STXBP5L: variants seen among roughly 807,000 people sequenced by gnomAD.
The protein encoded by STXBP5L is syntaxin binding protein 5L.
In STXBP5L, 65 loss-of-function variants were observed where a neutral mutation model predicts 144.5. The ratio of observed to expected loss-of-function variants is 0.45; its 90% CI spans 0.37 to 0.55. The LOEUF (loss-of-function observed/expected upper bound fraction) is 0.55. Ranked by LOEUF, STXBP5L falls within the 20% of genes least tolerant of loss-of-function variation. The pLI, the probability that STXBP5L is intolerant of heterozygous loss-of-function variation, is 0.00. For synonymous variants in STXBP5L, 505 were observed against 469.6 expected (o/e 1.08, Z -0.97); for missense variants, 1,298 against 1,405.5 (o/e 0.92, Z 1.22).
At chr3:120,989,907 A>G (rs1228808121) in intron 3 of STXBP5L, among the ~76,000 whole-genome samples, 1 of 152,182 alleles carries the variant, frequency 6.6e-6, no homozygotes, top group Admixed American at 6.6e-5. Flanking sequence ...CAAGACAGGG[A>G]TGCCCTCTCT....
Position 121,418,386 on chromosome 3 carries a change from T to C in STXBP5L, c.3276T>C (p.Ile1092=), listed in dbSNP as rs377107191. The change falls in exon 26 of 27, where the codon ATT becomes ATC. Residue 1092 remains isoleucine (I), a synonymous_variant. Coordinates refer to ENST00000471454, the MANE Select transcript of STXBP5L (RefSeq NM_001308330.2). ...GKASRSLAQH[I]PGPGSIEGMK... ...CATCCCGCAGCCTTGCGCAACACAT[T>C]CCTGGACCAGGTAGTATAGAAGGGA... is the stretch of plus-strand genomic sequence containing the variant. 6.9e-5 allele frequency: 112 copies of C among 1,613,928 alleles called. No individual in the cohort carries two copies. Among genetic ancestry groups the C allele is most frequent in the Non-Finnish European group, 8.6e-5 (102 of 1,179,974 alleles).
At chr3:121,217,481 C>T (rs1327528801) in intron 10 of STXBP5L, among the ~76,000 whole-genome samples, 1 of 152,086 alleles carries the variant, frequency 6.6e-6, no homozygotes, top group African/African-American at 2.4e-5. Context: ...GATGCCCCAC[C>T]CTGCTTCTGC....
At chr3:120,999,134 C>T (rs909115146) in intron 3 of STXBP5L, among the ~76,000 whole-genome samples, 3 of 152,110 alleles carry the variant, frequency 2.0e-5, no homozygotes, top group Non-Finnish European at 4.4e-5. Flanking sequence ...CTCACTGCAA[C>T]CTCTTCCTCC....
At chr3:121,413,421 T>A (rs9849118) in intron 24 of STXBP5L, 98 bp downstream of exon 24, 869,334 of 1,120,446 alleles carry the variant, frequency 0.78, 337,609 homozygotes, top group East Asian at 0.89. Flanking sequence ...CAGACAATAA[T>A]TATGCCCTTC....
intron 2 of STXBP5L, among the ~76,000 whole-genome samples, chr3:120,950,559 A>C (rs1383649118): frequency 6.6e-6 from 1 of 152,006 alleles, no homozygotes; most frequent in Non-Finnish European, 1.5e-5. Flanking sequence ...TTATACTTTA[A>C]GTTTTAGGGT....
intron 22 of STXBP5L, among the ~76,000 whole-genome samples, chr3:121,394,748 G>A (rs951444944): frequency 6.6e-6 from 1 of 151,854 alleles, no homozygotes; most frequent in Non-Finnish European, 1.5e-5. Context: ...GGGACTACAG[G>A]CGCCCGCCAC....
intron 20 of STXBP5L, among the ~76,000 whole-genome samples, chr3:121,319,811 G>A (rs184828339): frequency 6.7e-4 from 102 of 151,982 alleles, no homozygotes; most frequent in East Asian, 6.6e-3. Context: ...ATTTACATAC[G>A]TAACTTCAAA....
chr3:121,194,909 CTTTTTTTTTTTTTT>C (rs10717806), intron 9 of STXBP5L, among the ~76,000 whole-genome samples: 3 of 68,494 alleles, frequency 4.4e-5, no homozygotes, highest in African/African-American at 1.9e-4. Flanking sequence ...TCTTTTCACT[CTTTTTTTTTTTTTT>C]TTTTTTTTTT....
chr3:121,299,252 A>T lies in STXBP5L; in HGVS notation c.2111-19223A>T, dbSNP rs148657826. 1.9e-4 allele frequency among the ~76,000 whole-genome samples: 29 copies of T among 152,340 alleles called. No homozygotes were observed. In the East Asian group the frequency reaches 4.6e-3, roughly 24 times the overall value. ...GCAACATGAAAAGCAAATGAGGAAG[A>T]TATTTTATAGAAATAATTAAGCTGG... On this transcript the variant is annotated intron_variant, in intron 19 of 26. Coordinates refer to ENST00000471454, the MANE Select transcript of STXBP5L (RefSeq NM_001308330.2).
chr3:121,352,958 C>T (rs1001542745), intron 20 of STXBP5L, among the ~76,000 whole-genome samples: 14 of 151,904 alleles, frequency 9.2e-5, no homozygotes, highest in Admixed American at 7.9e-4. Flanking sequence ...TTTTGTCATT[C>T]GTTCTGTTTA....
intron 2 of STXBP5L, among the ~76,000 whole-genome samples, chr3:120,948,409 C>A (rs1165538735): frequency 6.6e-6 from 1 of 151,440 alleles, no homozygotes; most frequent in Non-Finnish European, 1.5e-5. Context: ...ATTATCCTTT[C>A]CCATTTTTAT....
chr3:121,157,419 C>G (rs1182627034), intron 8 of STXBP5L, 85 bp from the exon 9 acceptor site: 2 of 1,317,860 alleles, frequency 1.5e-6, no homozygotes, highest in East Asian at 5.9e-5. Flanking sequence ...AATTTTATAT[C>G]AGAATAGTTT....
intron 4 of STXBP5L, among the ~76,000 whole-genome samples, chr3:121,044,062 C>T (rs989133880): frequency 6.6e-6 from 1 of 152,006 alleles, no homozygotes; most frequent in African/African-American, 2.4e-5. Context: ...GGCAAACAAA[C>T]ACAAAAATTA....
intron 3 of STXBP5L, among the ~76,000 whole-genome samples, chr3:121,014,442 C>T (rs184715087): frequency 1.3e-5 from 2 of 152,024 alleles, no homozygotes; most frequent in East Asian, 3.9e-4. Flanking sequence ...GAGGTATTTC[C>T]TTCAGCATAA....
intron 3 of STXBP5L, among the ~76,000 whole-genome samples, chr3:120,988,256 T>C (rs1942495342): frequency 6.6e-6 from 1 of 151,934 alleles, no homozygotes; most frequent in Admixed American, 6.6e-5. Flanking sequence ...CTAAGTGTTA[T>C]TAATTATTCT....
chr3:121,131,627 T>A (rs974606464), intron 7 of STXBP5L, among the ~76,000 whole-genome samples: 6 of 152,148 alleles, frequency 3.9e-5, no homozygotes, highest in African/African-American at 9.7e-5. Flanking sequence ...CTGTTCTGAG[T>A]ATAGTTTCAA....
At chr3:121,382,847 T>C (rs1450864803) in intron 22 of STXBP5L, among the ~76,000 whole-genome samples, 1 of 152,184 alleles carries the variant, frequency 6.6e-6, no homozygotes, top group African/African-American at 2.4e-5. Flanking sequence ...ACAAAATAAG[T>C]ATAGATTTAA....
chr3:121,028,920 C>A (rs1946160995), intron 3 of STXBP5L, among the ~76,000 whole-genome samples: 1 of 151,946 alleles, frequency 6.6e-6, no homozygotes, highest in South Asian at 2.1e-4. Context: ...GTTTATTCTC[C>A]CATTCACAAT....
intron 2 of STXBP5L, among the ~76,000 whole-genome samples, chr3:120,950,563 T>A (rs527969350): frequency 6.6e-6 from 1 of 152,184 alleles, no homozygotes; most frequent in South Asian, 2.1e-4. Flanking sequence ...ACTTTAAGTT[T>A]TAGGGTACAT....
Sources: allele counts gnomAD v4.1 joint callset (sites outside exome capture counted in the v4.1 genomes callset), GRCh38; gene constraint gnomAD v4.1.1; transcripts MANE v1.5; gene names NCBI Gene and HGNC (gene_info 2026-07-23, HGNC 2026-07-21).